The following SPNS3 variants were observed in gnomAD, a reference collection of about 807,000 sequenced individuals.
SPNS3 encodes SPNS lysolipid transporter 3, sphingosine-1-phosphate (putative), also known as protein spinster homolog 3.
A neutral mutation model predicts 54.4 loss-of-function variants in SPNS3; 51 were observed. The observed-to-expected ratio is 0.94, with a 90% CI of 0.75 to 1.18. The LOEUF (loss-of-function observed/expected upper bound fraction) is 1.18, where lower values mean the gene tolerates loss of function less well. Among genes scored for constraint, SPNS3 ranks in the 50% most tolerant of loss-of-function variants. The pLI is 0.00. For synonymous variants in SPNS3, 309 were observed against 294.7 expected, an observed-to-expected ratio of 1.05 and a Z score of -0.50; for missense variants, 669 against 677.4, an observed-to-expected ratio of 0.99 and a Z score of 0.14.
chr17:4,486,399 T>C lies in SPNS3; in HGVS notation c.1279-13T>C. 6.2e-7 allele frequency: 1 copy of C among 1,600,106 alleles called. No individual in the cohort carries two copies. On this transcript the variant is annotated splice_polypyrimidine_tract_variant and intron_variant, in intron 10 of 11. Coordinates refer to ENST00000355530, the MANE Select transcript of SPNS3 (RefSeq NM_182538.5). The surrounding 1 kb of genome is among the most constrained non-coding windows in gnomAD (Gnocchi z 5.5). The stretch of plus-strand genomic sequence containing the variant: ...CTGGTGGGCCTGGCAGACTCATCCC[T>C]TCTCCTCCGCAGATCTCTAGTGTCC...
intron 5 of SPNS3, among the ~76,000 whole-genome samples, 160 bp from the exon 6 acceptor site, chr17:4,447,995 C>T (rs1971042853): frequency 6.6e-6 from 1 of 152,200 alleles, no homozygotes; most frequent in Admixed American, 6.5e-5. Flanking sequence ...ACATCCTGCT[C>T]TGTGGATACC....
In SPNS3 at chr17:4,488,073, C is replaced by G. The variant is rs185003416; in HGVS notation, c.*179C>G. On this transcript the variant is annotated 3_prime_UTR_variant, in exon 12 of 12. Coordinates refer to ENST00000355530, the MANE Select transcript of SPNS3 (RefSeq NM_182538.5). ...TGGGCTGGGAATGGAGCTGTCAGCACTCTGCGTGGGAGGCCTGGGCCTGTG... is the reference window on the plus strand; with the variant it reads ...TGGGCTGGGAATGGAGCTGTCAGCAGTCTGCGTGGGAGGCCTGGGCCTGTG... 5.4e-5 allele frequency: 34 copies of G among 625,284 alleles called. No homozygotes were observed. In the African/African-American group the frequency reaches 5.9e-4, roughly 11 times the overall value. The allele number at this position is 625,284 out of a possible 1,614,324, so 38.7% of individuals were successfully genotyped here. A position where few individuals can be genotyped will look rare whatever the true frequency, so the allele number is the denominator to read the frequency against.
In SPNS3 at chr17:4,484,241, C is replaced by G. The variant is rs1339962464; in HGVS notation, c.1180-1987C>G. ...CATCTGTAAAAATGCAGGTGATCAT[C>G]ATCTCCCTCTCATGGGTTGTTCAAG... is the stretch of plus-strand genomic sequence containing the variant. On this transcript the variant is annotated intron_variant, in intron 9 of 11. Transcript: ENST00000355530. 2.6e-5 allele frequency among the ~76,000 whole-genome samples: 4 copies of G among 152,324 alleles called. No individual in the cohort carries two copies. The East Asian group carries it at 5.8e-4, about 22-fold the overall frequency.
At chr17:4,445,311 G>T in intron 3 of SPNS3, 143 bp downstream of exon 3, 7 of 808,864 alleles carry the variant, frequency 8.7e-6, no homozygotes, top group Non-Finnish European at 1.1e-5. Flanking sequence ...TGAGGGCTGG[G>T]AGAGAAGGTG....
rs1006681697 is a variant in SPNS3, at chr17:4,483,497, G to A, written c.1180-2731G>A. 2 of 152,276 alleles carry A rather than the reference G, an allele frequency of 1.3e-5. No individual in the cohort carries two copies. The highest frequency in any genetic ancestry group is 4.8e-5 in the African/African-American group (2 of 41,436). 9.4% of individuals were successfully genotyped at this position (152,276 alleles called of 1,614,324 possible). The stretch of plus-strand genomic sequence containing the variant: ...GTGACTGAGCTGGGCCCAGCAGGTT[G>A]GGGTTCCTGGGAGAGGAGGAAGGGG... On this transcript the variant is annotated intron_variant, in intron 9 of 11. Transcript: ENST00000355530. This position sits in a 1 kb window ranked among gnomAD's most constrained non-coding sequence, Gnocchi z 4.2.
At chr17:4,458,219 G>A (rs1971366835) in intron 8 of SPNS3, among the ~76,000 whole-genome samples, 1 of 152,044 alleles carries the variant, frequency 6.6e-6, no homozygotes, top group Non-Finnish European at 1.5e-5. Context: ...CACCTTCCTG[G>A]TCTCCGTGTC....
intron 8 of SPNS3, among the ~76,000 whole-genome samples, chr17:4,469,309 A>G (rs1427915256): frequency 1.3e-5 from 2 of 151,462 alleles, no homozygotes; most frequent in Admixed American, 6.6e-5. Context: ...CTGCTCTGGA[A>G]CTACTGGGCT....
chr17:4,466,640 G>A (rs1474370599), intron 8 of SPNS3, among the ~76,000 whole-genome samples: 3 of 151,388 alleles, frequency 2.0e-5, no homozygotes, highest in East Asian at 1.9e-4. Context: ...TCAGGAGTTC[G>A]AAACCAGCCT....
intron 7 of SPNS3, 27 bp downstream of exon 7, chr17:4,449,414 C>A (rs779123328): frequency 1.3e-6 from 2 of 1,554,628 alleles, no homozygotes; most frequent in South Asian, 1.2e-5. Flanking sequence ...GCCCTGGGCA[C>A]CTGGCCCGGC....
At chr17:4,448,337 A>G (rs1211457037) in intron 6 of SPNS3, 34 bp downstream of exon 6, 1 of 1,486,722 alleles carries the variant, frequency 6.7e-7, no homozygotes, top group South Asian at 1.4e-5. Flanking sequence ...CAAGGCACAG[A>G]AAAGCCCGTT....
In SPNS3 at chr17:4,471,012, C is replaced by T. The variant is rs375539318; in HGVS notation, c.1114-7560C>T. Among the ~76,000 whole-genome samples the T allele has an allele frequency of 3.9e-5, 6 of 152,310 alleles. No homozygotes were observed. In the East Asian group the frequency reaches 5.8e-4, roughly 15 times the overall value. Reference sequence around the variant, plus strand: ...CGAACTCGGATCACCACAACCTCTGCCTCCCGGGTTCAAACAATTCTCCTG... The same window carrying T: ...CGAACTCGGATCACCACAACCTCTGTCTCCCGGGTTCAAACAATTCTCCTG... On this transcript the variant is annotated intron_variant, in intron 8 of 11. Coordinates refer to ENST00000355530, the MANE Select transcript of SPNS3 (RefSeq NM_182538.5).
At chr17:4,481,255 G>T (rs879423781) in intron 9 of SPNS3, among the ~76,000 whole-genome samples, 1 of 151,926 alleles carries the variant, frequency 6.6e-6, no homozygotes, top group Non-Finnish European at 1.5e-5. Flanking sequence ...GGGTGAGCTG[G>T]GGGTGGAATC....
intron 8 of SPNS3, among the ~76,000 whole-genome samples, chr17:4,471,868 T>G (rs184967187): frequency 2.4e-4 from 21 of 88,448 alleles, no homozygotes; most frequent in African/African-American, 8.3e-4. Context: ...GGATTTTTTG[T>G]TTTTTTTTGA....
chr17:4,464,377 A>G (rs568421275), intron 8 of SPNS3, among the ~76,000 whole-genome samples: 1 of 152,354 alleles, frequency 6.6e-6, no homozygotes, highest in South Asian at 2.1e-4. Flanking sequence ...CACCCAAAGC[A>G]GGGCCTCCAC....
At chr17:4,465,007 G>A (rs1971640316) in intron 8 of SPNS3, among the ~76,000 whole-genome samples, 1 of 152,222 alleles carries the variant, frequency 6.6e-6, no homozygotes, top group African/African-American at 2.4e-5. Flanking sequence ...CTATGCATAT[G>A]TAACAAAATT....
chr17:4,475,744 G>A (rs1971975872), intron 8 of SPNS3, among the ~76,000 whole-genome samples: 1 of 152,212 alleles, frequency 6.6e-6, no homozygotes, highest in Non-Finnish European at 1.5e-5. Flanking sequence ...GGACTGCAGA[G>A]CTGAGATGCT....
intron 8 of SPNS3, among the ~76,000 whole-genome samples, chr17:4,471,482 T>C (rs1032167849): frequency 6.6e-5 from 10 of 152,220 alleles, no homozygotes; most frequent in African/African-American, 2.4e-4. Flanking sequence ...TTTATTTATT[T>C]TGAGACAGGG....
At chr17:4,441,100 T>C (rs1970835993) in intron 2 of SPNS3, among the ~76,000 whole-genome samples, 2 of 152,084 alleles carry the variant, frequency 1.3e-5, no homozygotes, top group Non-Finnish European at 2.9e-5. Flanking sequence ...TGGATGAAAA[T>C]ACAGTTTAAA....
At chr17:4,442,136 CTT>C (rs1212512268) in intron 2 of SPNS3, among the ~76,000 whole-genome samples, 1 of 152,090 alleles carries the variant, frequency 6.6e-6, no homozygotes, top group African/African-American at 2.4e-5. Context: ...AGGTGAGTCT[CTT>C]TACCTTTTCC....
Sources: allele counts gnomAD v4.1 joint callset (sites outside exome capture counted in the v4.1 genomes callset), GRCh38; gene constraint gnomAD v4.1.1; non-coding constraint Gnocchi (gnomAD v3.1); transcripts MANE v1.5; gene names NCBI Gene and HGNC (gene_info 2026-07-23, HGNC 2026-07-21).